Variants in SLC22A11 observed in about 807,000 individuals in gnomAD.
The protein encoded by SLC22A11 is solute carrier family 22 member 11.
A neutral mutation model predicts 49.4 loss-of-function variants in SLC22A11; 42 were observed. The observed-to-expected ratio is 0.85, with a 90% CI of 0.66 to 1.10. The LOEUF is 1.10. Among genes scored for constraint, SLC22A11 ranks in the 50% least tolerant of loss-of-function variants. SLC22A11 has a pLI of 0.00. For missense variants in SLC22A11, 685 were observed against 731.6 expected, an observed-to-expected ratio of 0.94 and a Z score of 0.74; for synonymous variants, 304 against 315.8, an observed-to-expected ratio of 0.96 and a Z score of 0.40.
chr11:64,569,411 A>G (rs113393409), intron 8 of SLC22A11, among the ~76,000 whole-genome samples: 120 of 152,282 alleles, frequency 7.9e-4, no homozygotes, highest in Middle Eastern at 3.4e-3. Context: ...TAGCAGGAGT[A>G]TGGAGAAGCC....
chr11:64,565,214 C>T lies in SLC22A11; in HGVS notation c.943-8C>T. On this transcript the variant is annotated splice_polypyrimidine_tract_variant and splice_region_variant and intron_variant, in intron 5 of 9. Coordinates refer to ENST00000301891, the MANE Select transcript of SLC22A11 (RefSeq NM_018484.4). This position sits in a 1 kb window ranked among gnomAD's most constrained non-coding sequence, Gnocchi z 4.1. ...TACCATTCACGGTGCCCCCATTCTC[C>T]CCGGAAGGTGCTGATGTCCAGCGTG... 1 of 1,526,348 alleles carries T rather than the reference C, an allele frequency of 6.6e-7. No individual in the cohort carries two copies. Among genetic ancestry groups the T allele is most frequent in the Non-Finnish European group, 8.8e-7 (1 of 1,131,670 alleles). The allele number at this position is 1,526,348 out of a possible 1,614,324, so 94.6% of individuals were successfully genotyped here. A position where few individuals can be genotyped will look rare whatever the true frequency, so the allele number is the denominator to read the frequency against.
rs753181194 is a variant in SLC22A11 at position 64,569,657 on chromosome 11, C to G, written c.1388C>G (p.Thr463Arg). 24 of 1,613,540 alleles carry G rather than the reference C, an allele frequency of 1.5e-5. No individual in the cohort carries two copies. Among genetic ancestry groups the G allele is most frequent in the Non-Finnish European group, 1.9e-5 (23 of 1,179,766 alleles). Reference protein sequence around the residue: ...AELFPTPVRMTADGILHTVGR... With the variant: ...AELFPTPVRMRADGILHTVGR... ...GCCCTCCCCTTCACCCACAGGATGA[C>G]AGCAGATGGCATTCTGCATACAGTG... The change falls in exon 9 of 10, where the codon ACA becomes AGA. Residue 463 changes from threonine to arginine, a missense_variant. By Grantham distance (71) the Thr-to-Arg change is moderately conservative. Transcript: ENST00000301891.
At chr11:64,561,952 C>A in intron 2 of SLC22A11, 52 bp from the exon 3 acceptor site, 1 of 1,560,632 alleles carries the variant, frequency 6.4e-7, no homozygotes, top group South Asian at 1.2e-5. Flanking sequence ...CCCACATATC[C>A]ACGTCCTCAG....
chr11:64,569,754 C>CCT lies in SLC22A11; in HGVS notation c.1488_1489dup (p.Tyr497SerfsTer65). ...AAGCCCTGCCCCTGCTGCCTCCTCT[C>CCT]CTCTATGGCGTTATCTCCATTGCTT... On this transcript the variant is annotated frameshift_variant, in exon 9 of 10. Coordinates refer to ENST00000301891, the MANE Select transcript of SLC22A11 (RefSeq NM_018484.4). LOFTEE classifies it high-confidence loss of function. 6.2e-7 allele frequency: 1 copy of CCT among 1,614,206 alleles called. No homozygotes were observed. Among genetic ancestry groups the CCT allele is most frequent in the South Asian group, 1.1e-5 (1 of 91,078 alleles).
chr11:64,569,904 G>A (rs762284798), intron 9 of SLC22A11, 46 bp downstream of exon 9: 1 of 1,593,666 alleles, frequency 6.3e-7, no homozygotes. Flanking sequence ...CTTCCTCCTG[G>A]GCCAAGATGG....
intron 2 of SLC22A11, 33 bp from the exon 3 acceptor site, chr11:64,561,971 C>T: frequency 6.3e-7 from 1 of 1,591,102 alleles, no homozygotes; most frequent in East Asian, 2.3e-5. Flanking sequence ...AGGGGCCCCT[C>T]TCCAGGCCCC....
In SLC22A11 at chr11:64,571,272, T is replaced by G; in HGVS notation, c.*230T>G. 2.5e-4 allele frequency: 131 copies of G among 522,902 alleles called. No homozygotes were observed. The highest frequency in any genetic ancestry group is 3.3e-4 in the East Asian group (10 of 29,998). The allele number at this position is 522,902 out of a possible 1,614,324, so 32.4% of individuals were successfully genotyped here. On this transcript the variant is annotated 3_prime_UTR_variant, in exon 10 of 10. Transcript: ENST00000301891. Reference sequence around the variant, plus strand: ...CAGATTCCCCACCTTACCCGGGCCCTACAGGAGCCTGTGCAGATGGCCATG... The same window carrying G: ...CAGATTCCCCACCTTACCCGGGCCCGACAGGAGCCTGTGCAGATGGCCATG...
rs1317402322 is a variant in SLC22A11, at chr11:64,562,151, G to GAC, written c.648_649dup (p.Leu217HisfsTer2). On this transcript the variant is annotated frameshift_variant, in exon 3 of 10. Transcript: ENST00000301891. LOFTEE classifies it high-confidence loss of function. This position sits in a 1 kb window ranked among gnomAD's most constrained non-coding sequence, Gnocchi z 4.4. ...TGGCCGGCATCTTTCTGAGTTCACTGACACTGAGTGAGTCCCCGGCTCAGC... is the reference window on the plus strand; with the variant it reads ...TGGCCGGCATCTTTCTGAGTTCACTGACACACTGAGTGAGTCCCCGGCTCAGC... The GAC allele has an allele frequency of 6.2e-7, 1 of 1,613,602 alleles. No individual in the cohort carries two copies. Among genetic ancestry groups the GAC allele is most frequent in the Non-Finnish European group, 8.5e-7 (1 of 1,179,936 alleles).
Position 64,556,285 on chromosome 11 carries a change from T to C in SLC22A11, c.286T>C (p.Leu96=). 1 of 1,613,906 alleles carries C rather than the reference T, an allele frequency of 6.2e-7. No homozygotes were observed. Among genetic ancestry groups the C allele is most frequent in the East Asian group, 2.2e-5 (1 of 44,892 alleles). ...CTTCCGCCAGCCACAGTGGCAGCTC[T>C]TGGACCCCAATGCCACGGCCACCAG... The part of the protein sequence containing the change: ...RRFRQPQWQL[L]DPNATATSWS... The change falls in exon 1 of 10, where the codon TTG becomes CTG. Residue 96 remains leucine, a synonymous_variant. Transcript: ENST00000301891.
chr11:64,562,319 A>T lies in SLC22A11; in HGVS notation c.705A>T (p.Gly235=). ...SRRAVTMTVV[G]CAFSAGQAAL... is the part of the protein sequence containing the mutation. ...GGGCGGTCACCATGACGGTGGTGGG[A>T]TGTGCCTTCAGCGCAGGCCAGGCGG... Residue 235 remains glycine (G), a synonymous_variant, in exon 4 of 10, where the codon GGA becomes GGT. Transcript: ENST00000301891. This position sits in a 1 kb window ranked among gnomAD's most constrained non-coding sequence, Gnocchi z 4.4. 1 of 1,611,278 alleles carries T rather than the reference A, an allele frequency of 6.2e-7. No homozygotes were observed. Among genetic ancestry groups the T allele is most frequent in the South Asian group, 1.1e-5 (1 of 90,926 alleles).
chr11:64,570,212 G>GACTA (rs2038685714), intron 9 of SLC22A11, among the ~76,000 whole-genome samples: 3 of 152,246 alleles, frequency 2.0e-5, no homozygotes, highest in Non-Finnish European at 4.4e-5. Flanking sequence ...GACAAAGGGA[G>GACTA]ATACAGATAG....
At chr11:64,556,829 T>C (rs1205114488) in intron 1 of SLC22A11, among the ~76,000 whole-genome samples, 1 of 151,662 alleles carries the variant, frequency 6.6e-6, no homozygotes, top group Non-Finnish European at 1.5e-5. Context: ...ATGTTGAGGC[T>C]GGGGGCAGAG....
Position 64,559,204 on chromosome 11 carries a change from G to A in SLC22A11, c.463G>A (p.Val155Met), listed in dbSNP as rs61744144. The change falls in exon 2 of 10, where the codon GTG becomes ATG. Residue 155 changes from valine (V) to methionine (M), a missense_variant. Physicochemically the swap from Val to Met is conservative, Grantham distance 21. Coordinates refer to ENST00000301891, the MANE Select transcript of SLC22A11 (RefSeq NM_018484.4). ...GTCCATCTTCATGTCCGGGATCCTGGTGGGCTCCTTTATCTGGGGCCTCCT... is the reference window on the plus strand; with the variant it reads ...GTCCATCTTCATGTCCGGGATCCTGATGGGCTCCTTTATCTGGGGCCTCCT... ...SQSIFMSGIL[V>M]GSFIWGLLSY... 2,917 of 1,611,204 alleles carry A rather than the reference G, an allele frequency of 1.8e-3. 38 individuals are homozygous for A. In the African/African-American group the frequency reaches 0.028, roughly 15 times the overall value.
At position 64,555,947 on chromosome 11, in the gene SLC22A11, G is replaced by A. The variant is rs1273100848; in HGVS notation, c.-53G>A. ...GGCCCTGGATCTTGTGGCTGCAATC[G>A]GTTCCAAACAGCAGTTAGGTCAGCA... On this transcript the variant is annotated 5_prime_UTR_variant, in exon 1 of 10. Coordinates refer to ENST00000301891, the MANE Select transcript of SLC22A11 (RefSeq NM_018484.4). 8.5e-6 allele frequency: 13 copies of A among 1,525,694 alleles called. No individual in the cohort carries two copies. Among genetic ancestry groups the A allele is most frequent in the South Asian group, 6.3e-5 (5 of 79,928 alleles). 94.5% of individuals were successfully genotyped at this position (1,525,694 alleles called of 1,614,324 possible). A position where few individuals can be genotyped will look rare whatever the true frequency, so the allele number is the denominator to read the frequency against.
At chr11:64,563,498 G>T (rs1277172542) in intron 4 of SLC22A11, among the ~76,000 whole-genome samples, 1 of 150,538 alleles carries the variant, frequency 6.6e-6, no homozygotes, top group Non-Finnish European at 1.5e-5. Flanking sequence ...GGCAGATCCT[G>T]TGCCTTCCAC....
In SLC22A11 at chr11:64,565,499, G is replaced by A. The variant is rs752435884; in HGVS notation, c.1058+162G>A. On this transcript the variant is annotated intron_variant, in intron 6 of 9. Transcript: ENST00000301891. This position sits in a 1 kb window ranked among gnomAD's most constrained non-coding sequence, Gnocchi z 4.1. ...ACGCAGACAGCCCCAGCAGGCAGGAGTCCTGGCAGGCAGCAGAGAGGGACT... is the reference window on the plus strand; with the variant it reads ...ACGCAGACAGCCCCAGCAGGCAGGAATCCTGGCAGGCAGCAGAGAGGGACT... 1.0e-5 allele frequency: 7 copies of A among 687,442 alleles called. No individual in the cohort carries two copies. 42.6% of individuals were successfully genotyped at this position (687,442 alleles called of 1,614,324 possible).
At chr11:64,560,488 C>G (rs549373478) in intron 2 of SLC22A11, among the ~76,000 whole-genome samples, 2 of 152,212 alleles carry the variant, frequency 1.3e-5, no homozygotes, top group Non-Finnish European at 2.9e-5. Flanking sequence ...GCCCCCTGCA[C>G]GCCTGCAGAG....
intron 4 of SLC22A11, among the ~76,000 whole-genome samples, chr11:64,563,923 A>C (rs1016649465): frequency 1.3e-5 from 2 of 151,962 alleles, no homozygotes; most frequent in African/African-American, 4.8e-5. Context: ...CTCAAAAAAA[A>C]AACAAAAAAA....
At position 64,564,619 on chromosome 11, in the gene SLC22A11, G is replaced by C. The variant is rs533701933; in HGVS notation, c.942+191G>C. Among the ~76,000 whole-genome samples, 4 of 150,266 alleles carry C rather than the reference G, an allele frequency of 2.7e-5. No individual in the cohort carries two copies. The highest frequency in any genetic ancestry group is 9.8e-5 in the African/African-American group (4 of 40,746). ...CACCACCACCACCACCACCAATCCC[G>C]ATACCATCACCAACAGCACCACCAC... On this transcript the variant is annotated intron_variant, in intron 5 of 9. Coordinates refer to ENST00000301891, the MANE Select transcript of SLC22A11 (RefSeq NM_018484.4). The surrounding 1 kb of genome is among the most constrained non-coding windows in gnomAD (Gnocchi z 4.2).
Sources: gnomAD v4.1 joint callset for allele counts (sites outside exome capture counted in the v4.1 genomes callset) on GRCh38, gnomAD v4.1.1 for gene constraint, Gnocchi (gnomAD v3.1) non-coding constraint, MANE v1.5 for transcripts, NCBI Gene and HGNC (gene_info 2026-07-23, HGNC 2026-07-21) for gene names.